Variants in WWP1 observed in about 807,000 individuals in gnomAD.
The protein encoded by WWP1 is WW domain containing E3 ubiquitin protein ligase 1.
A neutral mutation model predicts 130.6 loss-of-function variants in WWP1; 49 were observed. That is an observed-to-expected ratio of 0.38 (90% CI 0.30 to 0.48). WWP1 has a LOEUF of 0.48. Among genes scored for constraint, WWP1 ranks in the 20% least tolerant of loss-of-function variants. The pLI, the probability that WWP1 is intolerant of heterozygous loss-of-function variation, is 0.99. For synonymous variants in WWP1, 332 were observed against 367.8 expected, an observed-to-expected ratio of 0.90 and a Z score of 1.11; for missense variants, 809 against 1,100.6, an observed-to-expected ratio of 0.74 and a Z score of 3.75.
At chr8:86,364,851 GAGAGAGAA>G in intron 1 of WWP1, among the ~76,000 whole-genome samples, 1 of 151,476 alleles carries the variant, frequency 6.6e-6, no homozygotes, top group Non-Finnish European at 1.5e-5. Context: ...GAGAGAGAGA[GAGAGAGAA>G]AGAAGAAAGA....
At chr8:86,410,199 T>G (rs1220509610) in intron 8 of WWP1, among the ~76,000 whole-genome samples, 2 of 152,156 alleles carry the variant, frequency 1.3e-5, no homozygotes, top group Non-Finnish European at 2.9e-5. Flanking sequence ...TCCTTTTCAC[T>G]TTTTCTCCCC....
chr8:86,448,604 C>A, intron 20 of WWP1, 91 bp downstream of exon 20: 2 of 1,292,102 alleles, frequency 1.5e-6, no homozygotes, highest in Admixed American at 2.8e-5. Context: ...CCTTTTCATG[C>A]CTTTGGGAAG....
chr8:86,356,450 T>TA (rs1049146572), intron 1 of WWP1, among the ~76,000 whole-genome samples: 24 of 149,708 alleles, frequency 1.6e-4, no homozygotes, highest in South Asian at 6.3e-4. Flanking sequence ...TATATATATA[T>TA]TTTTTTTTAC....
chr8:86,360,306 T>C (rs1022237815), intron 1 of WWP1, among the ~76,000 whole-genome samples: 1 of 152,230 alleles, frequency 6.6e-6, no homozygotes, highest in Non-Finnish European at 1.5e-5. Flanking sequence ...TTGCTCTTGC[T>C]AAGGGCCTCG....
intron 14 of WWP1, 96 bp from the exon 15 acceptor site, chr8:86,435,356 T>A (rs2130697451): frequency 7.9e-7 from 1 of 1,261,458 alleles, no homozygotes; most frequent in East Asian, 2.5e-5. Flanking sequence ...CTTCCTGTGG[T>A]ATTTTGTTGG....
chr8:86,454,096 G>T (rs1293318341), intron 21 of WWP1, among the ~76,000 whole-genome samples: 1 of 151,994 alleles, frequency 6.6e-6, no homozygotes, highest in Non-Finnish European at 1.5e-5. Flanking sequence ...GTGGGAGATT[G>T]GTTCTGTAGG....
At chr8:86,379,429 G>C (rs967852934) in intron 3 of WWP1, among the ~76,000 whole-genome samples, 4 of 152,152 alleles carry the variant, frequency 2.6e-5, no homozygotes, top group Non-Finnish European at 4.4e-5. Flanking sequence ...TAGAATGGAA[G>C]CTTACATAGC....
At chr8:86,368,564 A>G (rs1226956978) in intron 1 of WWP1, among the ~76,000 whole-genome samples, 1 of 152,140 alleles carries the variant, frequency 6.6e-6, no homozygotes, top group Admixed American at 6.5e-5. Flanking sequence ...CCAAAATGCA[A>G]TTCTCATCAC....
chr8:86,384,481 A>T (rs766728076), intron 5 of WWP1, among the ~76,000 whole-genome samples: 1 of 152,210 alleles, frequency 6.6e-6, no homozygotes. Flanking sequence ...TGATTAAAAC[A>T]TAAGTTTTCT....
intron 5 of WWP1, among the ~76,000 whole-genome samples, chr8:86,387,663 C>T (rs1313694976): frequency 6.6e-6 from 1 of 152,044 alleles, no homozygotes; most frequent in Non-Finnish European, 1.5e-5. Context: ...CAGACGTGTG[C>T]TACCATGCAC....
rs767779129 is a variant in WWP1, at chr8:86,457,977, T to G, written c.2451T>G (p.Val817=). ...TGGCAGATTGGCAGAGAAATACTGTTTATCGACATTATACAAGAAACAGCA... is the reference window on the plus strand; with the variant it reads ...TGGCAGATTGGCAGAGAAATACTGTGTATCGACATTATACAAGAAACAGCA... ...VDLADWQRNT[V]YRHYTRNSKQ... Residue 817 remains valine, a synonymous_variant, in exon 22 of 25, where the codon GTT becomes GTG. Coordinates refer to ENST00000517970, the MANE Select transcript of WWP1 (RefSeq NM_007013.4). The G allele has an allele frequency of 4.3e-6, 7 of 1,612,974 alleles. No homozygotes were observed. The Middle Eastern group carries it at 4.9e-4, about 114-fold the overall frequency.
chr8:86,395,062 C>A (rs985617012), intron 5 of WWP1, among the ~76,000 whole-genome samples: 1 of 151,916 alleles, frequency 6.6e-6, no homozygotes, highest in African/African-American at 2.4e-5. Context: ...GGCTAATAGC[C>A]AGAGAAGGGA....
At chr8:86,430,220 T>C (rs1432197012) in intron 11 of WWP1, among the ~76,000 whole-genome samples, 5 of 152,054 alleles carry the variant, frequency 3.3e-5, no homozygotes, top group Non-Finnish European at 7.4e-5. Context: ...CAAAGAACTT[T>C]GTGTCTTGAA....
chr8:86,394,130 A>G (rs957813371), intron 5 of WWP1, among the ~76,000 whole-genome samples: 1 of 152,260 alleles, frequency 6.6e-6, no homozygotes, highest in African/African-American at 2.4e-5. Flanking sequence ...TCAGCAATAG[A>G]TAATACATTG....
intron 1 of WWP1, among the ~76,000 whole-genome samples, chr8:86,348,568 C>T (rs12156004): frequency 6.6e-6 from 1 of 152,044 alleles, no homozygotes; most frequent in Non-Finnish European, 1.5e-5. Flanking sequence ...TACTGGCGTA[C>T]CTACTATGTG....
chr8:86,412,497 A>C (rs1808642693), intron 9 of WWP1, among the ~76,000 whole-genome samples: 1 of 152,168 alleles, frequency 6.6e-6, no homozygotes, highest in African/African-American at 2.4e-5. Context: ...CTCTGCCTTC[A>C]AGAAGCTTAT....
At chr8:86,401,928 C>A in intron 7 of WWP1, 91 bp from the exon 8 acceptor site, 1 of 1,242,154 alleles carries the variant, frequency 8.1e-7, no homozygotes. Context: ...AAAAAAGAAA[C>A]TTAAGAGAAT....
Position 86,393,337 on chromosome 8 carries a change from A to G in WWP1, c.335-5005A>G, listed in dbSNP as rs895333081. Among the ~76,000 whole-genome samples, 10 of 151,940 alleles carry G rather than the reference A, an allele frequency of 6.6e-5. No homozygotes were observed. The East Asian group carries it at 9.7e-4, about 15-fold the overall frequency. On this transcript the variant is annotated intron_variant, in intron 5 of 24. Transcript: ENST00000517970. ...TTCTCCTTGCCTCAACCTCCCCTCA[A>G]GGCTCTTAGGAATAACCCTAGCTAC...
intron 22 of WWP1, 142 bp downstream of exon 22, chr8:86,458,167 A>G: frequency 1.6e-6 from 1 of 631,662 alleles, no homozygotes; most frequent in Non-Finnish European, 2.6e-6. Flanking sequence ...CTAAGCGAAT[A>G]GTGTGAACAC....
Sources: allele counts gnomAD v4.1 joint callset (sites outside exome capture counted in the v4.1 genomes callset), GRCh38; gene constraint gnomAD v4.1.1; transcripts MANE v1.5; gene names NCBI Gene and HGNC (gene_info 2026-07-23, HGNC 2026-07-21).